DCAF4: variants seen among roughly 807,000 people sequenced by gnomAD.
The protein encoded by DCAF4 is DDB1 and CUL4 associated factor 4.
Under a neutral mutation model 60.9 loss-of-function variants are expected in DCAF4, and 37 were observed. The observed-to-expected ratio is 0.61, with a 90% CI of 0.47 to 0.80. The LOEUF (loss-of-function observed/expected upper bound fraction) is 0.80. Ranked by LOEUF, DCAF4 falls within the 30% of genes least tolerant of loss-of-function variation. The probability of loss-of-function intolerance (pLI) is 0.00; values close to 1 mark genes in which losing one functional copy is unlikely to be tolerated. For missense variants in DCAF4, 577 were observed against 650.0 expected (o/e 0.89, Z 1.22); for synonymous variants, 243 against 254.8 (o/e 0.95, Z 0.44).
intron 1 of DCAF4, among the ~76,000 whole-genome samples, chr14:72,931,263 CT>C (rs370127536): frequency 3.5e-4 from 44 of 126,780 alleles, no homozygotes; most frequent in African/African-American, 5.6e-4. Context: ...TACTTTTTCT[CT>C]TTTTTTTTTT....
intron 3 of DCAF4, 58 bp downstream of exon 3, chr14:72,939,960 C>T (rs887936): frequency 0.21 from 300,712 of 1,456,474 alleles, 35,072 homozygotes; most frequent in East Asian, 0.46. Context: ...GGCTGAGACC[C>T]GTTCCTGGCT....
intron 1 of DCAF4, chr14:72,929,773 A>T: frequency 1.0e-5 from 11 of 1,060,020 alleles, no homozygotes; most frequent in Non-Finnish European, 1.6e-5. Flanking sequence ...CGCAGCTCGT[A>T]CGAAGCGAAG....
At chr14:72,931,042 C>T (rs1293409377) in intron 1 of DCAF4, among the ~76,000 whole-genome samples, 4 of 152,034 alleles carry the variant, frequency 2.6e-5, no homozygotes, top group South Asian at 2.1e-4. Flanking sequence ...TTGCGAGGTG[C>T]GAGTCATCCC....
At chr14:72,928,235 C>T (rs975599168) in intron 1 of DCAF4, among the ~76,000 whole-genome samples, 83 of 95,354 alleles carry the variant, frequency 8.7e-4, no homozygotes, top group Non-Finnish European at 4.0e-4. Flanking sequence ...CTATTGTTGC[C>T]CAGGCTGGAG....
At chr14:72,929,780 G>A (rs937506187) in intron 1 of DCAF4, 2 of 1,073,340 alleles carry the variant, frequency 1.9e-6, no homozygotes, top group East Asian at 4.7e-5. Flanking sequence ...CGTACGAAGC[G>A]AAGCCACACA....
chr14:72,955,102 C>G (rs1161299270), intron 11 of DCAF4, among the ~76,000 whole-genome samples: 2 of 146,522 alleles, frequency 1.4e-5, no homozygotes, highest in East Asian at 4.1e-4. Flanking sequence ...CAGAGCAAGA[C>G]TCTGTCTCAA....
At chr14:72,953,881 C>T (rs376261628) in intron 9 of DCAF4, among the ~76,000 whole-genome samples, 1 of 145,820 alleles carries the variant, frequency 6.9e-6, no homozygotes, top group Non-Finnish European at 1.5e-5. Flanking sequence ...GATCGAGGAT[C>T]GGAGCCACCT....
chr14:72,955,883 A>C (rs1892210847), intron 12 of DCAF4, among the ~76,000 whole-genome samples, 187 bp downstream of exon 12: 1 of 151,230 alleles, frequency 6.6e-6, no homozygotes, highest in South Asian at 2.1e-4. Flanking sequence ...TCTGACGTAA[A>C]CAAAAGTGAA....
chr14:72,929,510 G>T, intron 1 of DCAF4: 1 of 689,824 alleles, frequency 1.4e-6, no homozygotes, highest in South Asian at 1.7e-5. Context: ...CAGCCTGGGC[G>T]GCAACAAAGC....
chr14:72,959,599 G>C lies in DCAF4; in HGVS notation c.*794G>C. ...CGACAGTTCGTGAGATGTTTATTCA[G>C]TGTTAAAGAGCCTGTTTTTCTACCA... On this transcript the variant is annotated 3_prime_UTR_variant, in exon 14 of 14. Transcript: ENST00000358377. 1.0e-6 allele frequency: 1 copy of C among 985,456 alleles called. No homozygotes were observed. Among genetic ancestry groups the C allele is most frequent in the Non-Finnish European group, 1.2e-6 (1 of 829,934 alleles). 61.0% of individuals were successfully genotyped at this position (985,456 alleles called of 1,614,324 possible).
chr14:72,956,922 C>G (rs966900123), intron 13 of DCAF4: 1 of 219,826 alleles, frequency 4.5e-6, no homozygotes, highest in African/African-American at 2.4e-5. Context: ...TGTAAAGATT[C>G]TTGGCCCCGG....
At chr14:72,927,598 G>C (rs1418214575) in intron 1 of DCAF4, among the ~76,000 whole-genome samples, 13 of 152,010 alleles carry the variant, frequency 8.6e-5, no homozygotes, top group Admixed American at 3.9e-4. Flanking sequence ...TGATCCGCCC[G>C]CCTCGGCCTC....
At chr14:72,938,118 C>A in intron 2 of DCAF4, 48 bp downstream of exon 2, 1 of 1,552,146 alleles carries the variant, frequency 6.4e-7, no homozygotes, top group Non-Finnish European at 8.6e-7. Context: ...GTGCTTCTGG[C>A]ATTGTACACA....
At chr14:72,956,927 CCCCGG>C (rs1204368704) in intron 13 of DCAF4, 1 of 217,404 alleles carries the variant, frequency 4.6e-6, no homozygotes, top group Non-Finnish European at 9.2e-6. Context: ...AGATTCTTGG[CCCCGG>C]CCCGGCGCGG....
intron 12 of DCAF4, 130 bp from the exon 13 acceptor site, chr14:72,956,256 A>C: frequency 1.6e-6 from 1 of 644,254 alleles, no homozygotes; most frequent in Non-Finnish European, 2.6e-6. Flanking sequence ...AAGGCTCAAG[A>C]ATTCGAGATG....
chr14:72,929,393 GCTCT>G (rs1888200249), intron 1 of DCAF4, among the ~76,000 whole-genome samples: 1 of 152,188 alleles, frequency 6.6e-6, no homozygotes, highest in Non-Finnish European at 1.5e-5. Flanking sequence ...GCACATACTG[GCTCT>G]CTGTGTTAAA....
chr14:72,945,509 A>G (rs1461686539), intron 6 of DCAF4, among the ~76,000 whole-genome samples: 1 of 151,342 alleles, frequency 6.6e-6, no homozygotes, highest in Non-Finnish European at 1.5e-5. Flanking sequence ...TGTAATAGGA[A>G]CTAGCATTTT....
chr14:72,959,394 G>T lies in DCAF4; in HGVS notation c.*589G>T, dbSNP rs766185026. ...CTGCTGTTATTATCCAAAGGCGTTGGAAGGAAAGATGGATCTTCTTACATG... is the reference window on the plus strand; with the variant it reads ...CTGCTGTTATTATCCAAAGGCGTTGTAAGGAAAGATGGATCTTCTTACATG... On this transcript the variant is annotated 3_prime_UTR_variant, in exon 14 of 14. Transcript: ENST00000358377. 3.0e-6 allele frequency: 3 copies of T among 985,468 alleles called. No individual in the cohort carries two copies. The highest frequency in any genetic ancestry group is 3.6e-6 in the Non-Finnish European group (3 of 829,964). The allele number at this position is 985,468 out of a possible 1,614,324, so 61.0% of individuals were successfully genotyped here.
chr14:72,940,975 T>TG (rs1330498969), intron 4 of DCAF4, among the ~76,000 whole-genome samples: 1 of 1,744 alleles, frequency 5.7e-4, no homozygotes, highest in Non-Finnish European at 7.5e-3. Flanking sequence ...TTTTTTGGGG[T>TG]TTTTTTGAGA....
Sources: allele counts gnomAD v4.1 joint callset (sites outside exome capture counted in the v4.1 genomes callset), GRCh38; gene constraint gnomAD v4.1.1; transcripts MANE v1.5; gene names NCBI Gene and HGNC (gene_info 2026-07-23, HGNC 2026-07-21).